Variants in RBM24 observed in about 807,000 individuals in gnomAD.
RBM24 encodes RNA binding motif protein 24, also known as RNA-binding protein 24.
A neutral mutation model predicts 23.6 loss-of-function variants in RBM24; 5 were observed. The observed-to-expected ratio is 0.21, with a 90% CI of 0.11 to 0.45. The LOEUF is 0.45. Among genes scored for constraint, RBM24 ranks in the 20% least tolerant of loss-of-function variants. The pLI, the probability that RBM24 is intolerant of heterozygous loss-of-function variation, is 0.99. For synonymous variants in RBM24, 151 were observed against 129.5 expected, an observed-to-expected ratio of 1.17 and a Z score of -1.13; for missense variants, 252 against 314.6, an observed-to-expected ratio of 0.80 and a Z score of 1.51.
chr6:17,287,987 A>G (rs770115230), intron 3 of RBM24, among the ~76,000 whole-genome samples: 71 of 152,348 alleles, frequency 4.7e-4, no homozygotes, highest in Non-Finnish European at 4.0e-4. Context: ...ACACTAACCA[A>G]ACATCTGCCA....
rs2113413794 is a variant in RBM24, at chr6:17,291,926, A to G, written c.518A>G (p.Tyr173Cys). The change falls in exon 4 of 4, where the codon TAT becomes TGT. Residue 173 changes from tyrosine to cysteine, a missense_variant. By Grantham distance (194) the Tyr-to-Cys change is radical. Coordinates refer to ENST00000379052, the MANE Select transcript of RBM24 (RefSeq NM_001143942.2). ...GCTGCTGCCGCCGCCGCTGCTGCCT[A>G]TGACCAGTACCCCTATGCAGCCTCT... The part of the protein sequence containing the change: ...AAAAAAAAAA[Y>C]DQYPYAASPA... The G allele has an allele frequency of 1.2e-6, 2 of 1,613,092 alleles. No homozygotes were observed. Among genetic ancestry groups the G allele is most frequent in the Non-Finnish European group, 1.7e-6 (2 of 1,179,766 alleles).
intron 3 of RBM24, chr6:17,288,454 AG>A: frequency 1.0e-6 from 1 of 984,286 alleles, no homozygotes; most frequent in South Asian, 4.7e-5. Flanking sequence ...CTCTCTCCAC[AG>A]ATAATTTTAT....
intron 1 of RBM24, 197 bp from the exon 2 acceptor site, chr6:17,282,608 G>GCCCC: frequency 1.2e-5 from 2 of 169,530 alleles, no homozygotes; most frequent in Non-Finnish European, 2.2e-5. Flanking sequence ...TCGTCTACCC[G>GCCCC]CCCCCCCCCC....
At chr6:17,286,791 A>G (rs1015516161) in intron 3 of RBM24, among the ~76,000 whole-genome samples, 1 of 152,180 alleles carries the variant, frequency 6.6e-6, no homozygotes, top group Non-Finnish European at 1.5e-5. Context: ...AAGCAGAGGC[A>G]TAGAGGAGAA....
intron 3 of RBM24, chr6:17,288,950 T>G: frequency 1.0e-6 from 1 of 985,398 alleles, no homozygotes; most frequent in Non-Finnish European, 1.2e-6. Context: ...TGAGATAGAT[T>G]GGAAAAAGAA....
At chr6:17,284,909 C>A in intron 3 of RBM24, 198 bp downstream of exon 3, 2 of 417,988 alleles carry the variant, frequency 4.8e-6, no homozygotes, top group Non-Finnish European at 4.2e-6. Flanking sequence ...TATGCAGCCT[C>A]CAAACGAGAC....
intron 3 of RBM24, among the ~76,000 whole-genome samples, chr6:17,290,396 T>C (rs2113410498): frequency 6.6e-6 from 1 of 152,364 alleles, no homozygotes; most frequent in South Asian, 2.1e-4. Context: ...TTTATGGTAG[T>C]GTTTCAGATG....
At chr6:17,288,522 TAGG>T (rs970924933) in intron 3 of RBM24, 31 of 985,206 alleles carry the variant, frequency 3.1e-5, no homozygotes, top group African/African-American at 8.7e-5. Context: ...ATATGCAAAA[TAGG>T]AGGCTATGTT....
chr6:17,286,668 G>A lies in RBM24; in HGVS notation c.347+1957G>A, dbSNP rs551258244. The stretch of plus-strand genomic sequence containing the variant: ...TAGATGAAGTGGAGGAGTTGAATAA[G>A]GCTGTGGTGTGCATGGCAGGTAGAC... On this transcript the variant is annotated intron_variant, in intron 3 of 3. Transcript: ENST00000379052. Among the ~76,000 whole-genome samples, 11 of 152,320 alleles carry A rather than the reference G, an allele frequency of 7.2e-5. 1 individual carries two copies. Among genetic ancestry groups the A allele is most frequent in the Admixed American group, 7.2e-4 (11 of 15,308 alleles).
At position 17,293,528 on chromosome 6, in the gene RBM24, T is replaced by C. The variant is rs1760433734; in HGVS notation, c.*1409T>C. On this transcript the variant is annotated 3_prime_UTR_variant, in exon 4 of 4. Transcript: ENST00000379052. Reference sequence around the variant, plus strand: ...TGCCTGTGTAGATTTCATTTATTGGTAATTCATTAGTTTAACACTATTATG... The same window carrying C: ...TGCCTGTGTAGATTTCATTTATTGGCAATTCATTAGTTTAACACTATTATG... The C allele has an allele frequency of 6.6e-6, 1 of 152,096 alleles. No individual in the cohort carries two copies. Among genetic ancestry groups the C allele is most frequent in the Non-Finnish European group, 1.5e-5 (1 of 67,908 alleles). The allele number at this position is 152,096 out of a possible 1,614,324, so 9.4% of individuals were successfully genotyped here.
intron 3 of RBM24, among the ~76,000 whole-genome samples, chr6:17,291,521 A>G (rs1329278582): frequency 6.6e-6 from 1 of 152,178 alleles, no homozygotes; most frequent in Non-Finnish European, 1.5e-5. Context: ...CCAAATAATC[A>G]TACATGACAA....
intron 1 of RBM24, 177 bp from the exon 2 acceptor site, chr6:17,282,628 C>G: frequency 2.7e-6 from 1 of 377,038 alleles, no homozygotes; most frequent in Non-Finnish European, 4.7e-6. Context: ...CCCACGCCCC[C>G]GCCCGCCTGT....
intron 3 of RBM24, chr6:17,290,806 A>G: frequency 5.6e-6 from 7 of 1,248,742 alleles, no homozygotes; most frequent in Non-Finnish European, 7.4e-6. Flanking sequence ...TTTTCCCTCA[A>G]CCTCATCATT....
In RBM24 at chr6:17,293,163, ATTC is replaced by A. The variant is rs1231010356; in HGVS notation, c.*1048_*1050del. Reference sequence around the variant, plus strand: ...AGACAACAAGGTTACTGAGATTACAATTCTTCAAAGGTTAATGATAATGTGGTT... The same window carrying A: ...AGACAACAAGGTTACTGAGATTACAATTCAAAGGTTAATGATAATGTGGTT... On this transcript the variant is annotated 3_prime_UTR_variant, in exon 4 of 4. Coordinates refer to ENST00000379052, the MANE Select transcript of RBM24 (RefSeq NM_001143942.2). 1 of 152,618 alleles carries A rather than the reference ATTC, an allele frequency of 6.6e-6. No homozygotes were observed. The highest frequency in any genetic ancestry group is 1.5e-5 in the Non-Finnish European group (1 of 68,026). The allele number at this position is 152,618 out of a possible 1,614,324, so 9.5% of individuals were successfully genotyped here.
rs1461330581 is a variant in RBM24, at chr6:17,291,960, T to G, written c.552T>G (p.Ala184=). Residue 184 remains alanine (A), a synonymous_variant, in exon 4 of 4, where the codon GCT becomes GCG. Coordinates refer to ENST00000379052, the MANE Select transcript of RBM24 (RefSeq NM_001143942.2). ...ACCCCTATGCAGCCTCTCCAGCTGC[T>G]GCAGGATATGTTACTGCTGGGGGCT... is the stretch of plus-strand genomic sequence containing the variant. ...DQYPYAASPA[A]AGYVTAGGYG... 3.1e-6 allele frequency: 5 copies of G among 1,612,304 alleles called. No homozygotes were observed. The highest frequency in any genetic ancestry group is 2.5e-6 in the Non-Finnish European group (3 of 1,179,630).
chr6:17,287,808 CA>C (rs1365235953), intron 3 of RBM24, among the ~76,000 whole-genome samples: 75 of 137,400 alleles, frequency 5.5e-4, no homozygotes, highest in African/African-American at 4.8e-4. Flanking sequence ...GACTCCATCT[CA>C]AAAAAAAAAA....
At chr6:17,288,098 C>A in intron 3 of RBM24, 1 of 215,080 alleles carries the variant, frequency 4.6e-6, no homozygotes, top group Non-Finnish European at 8.0e-6. Context: ...AAAACTAAGA[C>A]ACAGAGAGGT....
intron 3 of RBM24, chr6:17,289,925 A>C: frequency 7.8e-7 from 1 of 1,280,106 alleles, no homozygotes; most frequent in Admixed American, 2.3e-5. Flanking sequence ...CGAGTGAGCC[A>C]GTCACCTGAC....
At chr6:17,287,131 T>C (rs1050734322) in intron 3 of RBM24, among the ~76,000 whole-genome samples, 3 of 152,226 alleles carry the variant, frequency 2.0e-5, no homozygotes, top group Admixed American at 2.0e-4. Context: ...CTTTCTTTTT[T>C]AAGAGGTTCT....
Sources: gnomAD v4.1 joint callset for allele counts (sites outside exome capture counted in the v4.1 genomes callset) on GRCh38, gnomAD v4.1.1 for gene constraint, MANE v1.5 for transcripts, NCBI Gene and HGNC (gene_info 2026-07-23, HGNC 2026-07-21) for gene names.